Variants in APPL2 observed in about 807,000 individuals in gnomAD.
The protein encoded by APPL2 is DCC-interacting protein 13-beta.
A neutral mutation model predicts 92.7 loss-of-function variants in APPL2; 84 were observed. The ratio of observed to expected loss-of-function variants is 0.91; its 90% CI spans 0.76 to 1.09. APPL2 has a LOEUF of 1.09. Ranked by LOEUF, APPL2 falls within the 50% of genes least tolerant of loss-of-function variation. APPL2 has a pLI of 0.00. For missense variants in APPL2, 736 were observed against 824.5 expected, an observed-to-expected ratio of 0.89 and a Z score of 1.31; for synonymous variants, 291 against 291.0, an observed-to-expected ratio of 1.00 and a Z score of 0.00.
chr12:105,193,960 A>C (rs2050964700), intron 14 of APPL2, among the ~76,000 whole-genome samples: 1 of 152,158 alleles, frequency 6.6e-6, no homozygotes, highest in Admixed American at 6.5e-5. Context: ...CTTTCCAGTT[A>C]GACTCAAACC....
rs1555248741 is a variant in APPL2 at position 105,189,014 on chromosome 12, G to GT, written c.1460-568dup. 2.0e-5 allele frequency among the ~76,000 whole-genome samples: 3 copies of GT among 151,940 alleles called. No homozygotes were observed. In the East Asian group the frequency reaches 5.8e-4, roughly 29 times the overall value. On this transcript the variant is annotated intron_variant, in intron 16 of 20. Coordinates refer to ENST00000258530, the MANE Select transcript of APPL2 (RefSeq NM_018171.5). ...AACCATAACTAGAAGACCAAAGAAG[G>GT]TTTTTTCTTTTTTTTCTTTTTTGAG... is the stretch of plus-strand genomic sequence containing the variant.
At chr12:105,184,055 T>C (rs1487952502) in intron 17 of APPL2, among the ~76,000 whole-genome samples, 1 of 152,214 alleles carries the variant, frequency 6.6e-6, no homozygotes, top group Non-Finnish European at 1.5e-5. Flanking sequence ...GATTTGACTA[T>C]TGATACTTGT....
intron 5 of APPL2, among the ~76,000 whole-genome samples, chr12:105,208,432 TCCA>T (rs1277987720): frequency 6.6e-6 from 1 of 152,120 alleles, no homozygotes; most frequent in African/African-American, 2.4e-5. Context: ...GCCCTGCCTC[TCCA>T]CATAGCGCTG....
intron 3 of APPL2, 26 bp downstream of exon 3, chr12:105,217,640 C>G (rs1293664707): frequency 6.2e-7 from 1 of 1,612,176 alleles, no homozygotes; most frequent in Non-Finnish European, 8.5e-7. Flanking sequence ...ACAGCAGCAT[C>G]ACAGGCCACA....
intron 1 of APPL2, among the ~76,000 whole-genome samples, chr12:105,230,757 C>T (rs1401708507): frequency 6.6e-6 from 1 of 152,240 alleles, no homozygotes; most frequent in East Asian, 1.9e-4. Flanking sequence ...GCAATGCATG[C>T]TTATCCCGCT....
At chr12:105,180,088 G>C (rs1193617753) in intron 17 of APPL2, among the ~76,000 whole-genome samples, 2 of 152,118 alleles carry the variant, frequency 1.3e-5, no homozygotes, top group Non-Finnish European at 2.9e-5. Context: ...TTTTCTTCTA[G>C]GGTTTTTATG....
intron 17 of APPL2, among the ~76,000 whole-genome samples, chr12:105,180,382 T>A (rs1196860): frequency 6.6e-6 from 1 of 151,942 alleles, no homozygotes; most frequent in Non-Finnish European, 1.5e-5. Flanking sequence ...ACTGTAGCCT[T>A]GTAGTATAGT....
In APPL2 at chr12:105,189,690, A is replaced by G. The variant is rs1566060042; in HGVS notation, c.1459+82T>C. 9 of 1,449,096 alleles carry G rather than the reference A, an allele frequency of 6.2e-6. No homozygotes were observed. The South Asian group carries it at 9.2e-5, about 15-fold the overall frequency. 89.8% of individuals were successfully genotyped at this position (1,449,096 alleles called of 1,614,324 possible). A position where few individuals can be genotyped will look rare whatever the true frequency, so the allele number is the denominator to read the frequency against. On this transcript the variant is annotated intron_variant, in intron 16 of 20. Transcript: ENST00000258530. ...TCATACTCCTAATCATAGCTCTCTA[A>G]AACATGATTTCACATCTTATTTCAA...
At position 105,208,322 on chromosome 12, in the gene APPL2, C is replaced by T. The variant is rs556574545; in HGVS notation, c.374-123G>A. ...CAAGGGAAGCCCCTGCACCCTCAGT[C>T]CCTGGCTCTCACAGGCTGGCCCAGA... On this transcript the variant is annotated intron_variant, in intron 5 of 20. Transcript: ENST00000258530. 6.3e-5 allele frequency: 74 copies of T among 1,177,904 alleles called. No homozygotes were observed. The Middle Eastern group carries it at 1.1e-3, about 17-fold the overall frequency. The allele number at this position is 1,177,904 out of a possible 1,614,324, so 73.0% of individuals were successfully genotyped here.
At chr12:105,192,426 C>G (rs78271966) in intron 14 of APPL2, among the ~76,000 whole-genome samples, 2 of 152,118 alleles carry the variant, frequency 1.3e-5, no homozygotes, top group African/African-American at 2.4e-5. Context: ...TTCCACAGCT[C>G]CCCACATGCT....
chr12:105,190,086 T>A lies in APPL2; in HGVS notation c.1311A>T (p.Leu437=), dbSNP rs201323570. 1.2e-6 allele frequency: 2 copies of A among 1,614,234 alleles called. No homozygotes were observed. The highest frequency in any genetic ancestry group is 2.2e-5 in the East Asian group (1 of 44,892). The change falls in exon 15 of 21, where the codon CTA becomes CTT. Residue 437 remains leucine (L), a synonymous_variant. Transcript: ENST00000258530. The part of the protein sequence containing the change: ...DKIVPKATAS[L]PEAEELIAPG... ...GCGCGATCAGCTCCTCTGCTTCAGG[T>A]AGACTGGCTGTTGCTTTGGGAACAA...
chr12:105,211,090 A>G (rs2136021855), intron 5 of APPL2, 140 bp downstream of exon 5: 2 of 633,736 alleles, frequency 3.2e-6, no homozygotes, highest in South Asian at 1.9e-5. Flanking sequence ...GGAAGTCAGT[A>G]AAAGTTCACT....
chr12:105,200,595 C>T (rs1314330233), intron 9 of APPL2, among the ~76,000 whole-genome samples: 1 of 152,198 alleles, frequency 6.6e-6, no homozygotes, highest in Admixed American at 6.5e-5. Flanking sequence ...CCACTAGTGA[C>T]AGTCTTGGTT....
intron 20 of APPL2, among the ~76,000 whole-genome samples, chr12:105,175,819 A>G (rs963853313): frequency 6.6e-6 from 1 of 152,180 alleles, no homozygotes; most frequent in Admixed American, 6.5e-5. Flanking sequence ...ACAGATAAGC[A>G]GGAGCTCCAG....
At position 105,190,079 on chromosome 12, in the gene APPL2, C is replaced by CAG. The variant is rs1362111948; in HGVS notation, c.1317_1318insCT (p.Ala440LeufsTer5). ...GTTCCAGGCGCGATCAGCTCCTCTG[C>CAG]TTCAGGTAGACTGGCTGTTGCTTTG... On this transcript the variant is annotated frameshift_variant, in exon 15 of 21. Transcript: ENST00000258530. LOFTEE classifies it high-confidence loss of function. 6.2e-7 allele frequency: 1 copy of CAG among 1,614,184 alleles called. No homozygotes were observed. The highest frequency in any genetic ancestry group is 1.7e-5 in the Admixed American group (1 of 60,030).
At chr12:105,229,003 ATTTTGTT>A in intron 2 of APPL2, 115 bp downstream of exon 2, 1 of 831,772 alleles carries the variant, frequency 1.2e-6, no homozygotes, top group Non-Finnish European at 1.9e-6. Context: ...AACAGTTCTG[ATTTTGTT>A]TCAAAATCTT....
intron 1 of APPL2, 100 bp from the exon 2 acceptor site, chr12:105,229,323 C>T (rs1277099597): frequency 1.2e-5 from 13 of 1,121,172 alleles, no homozygotes; most frequent in South Asian, 4.6e-5. Context: ...AACCAGAATG[C>T]GAGGAAAGAA....
At chr12:105,181,353 T>C (rs1886094948) in intron 17 of APPL2, among the ~76,000 whole-genome samples, 1 of 152,220 alleles carries the variant, frequency 6.6e-6, no homozygotes, top group African/African-American at 2.4e-5. Context: ...GCTGCTGGAT[T>C]CAGTTTGCTG....
intron 2 of APPL2, among the ~76,000 whole-genome samples, chr12:105,227,134 T>TAAA (rs60826041): frequency 3.4e-5 from 5 of 148,944 alleles, no homozygotes; most frequent in African/African-American, 9.9e-5. Flanking sequence ...AAATTAAAAA[T>TAAA]AAAAAAAAAA....
Sources: gnomAD v4.1 joint callset for allele counts (sites outside exome capture counted in the v4.1 genomes callset) on GRCh38, gnomAD v4.1.1 for gene constraint, MANE v1.5 for transcripts, NCBI Gene and HGNC (gene_info 2026-07-23, HGNC 2026-07-21) for gene names.